The following KISS1 variants were observed in gnomAD, a reference collection of about 807,000 sequenced individuals.
KISS1 encodes metastasis-suppressor KiSS-1.
For synonymous variants in KISS1, 97 were observed against 88.7 expected (o/e 1.09, Z -0.52); for missense variants, 182 against 182.7 (o/e 1.00, Z 0.02).
At chr1:204,191,593 A>C (rs1658744409) in intron 2 of KISS1, among the ~76,000 whole-genome samples, 1 of 152,174 alleles carries the variant, frequency 6.6e-6, no homozygotes, top group Non-Finnish European at 1.5e-5. Context: ...CATTGCGGCA[A>C]GAGATTAGTG....
At chr1:204,191,018 T>C (rs967393150) in intron 2 of KISS1, among the ~76,000 whole-genome samples, 6 of 152,162 alleles carry the variant, frequency 3.9e-5, no homozygotes, top group African/African-American at 1.4e-4. Context: ...GCCAGAATTA[T>C]CTTAAATAAC....
Position 204,190,564 on chromosome 1 carries a change from T to C in KISS1, c.337A>G (p.Asn113Asp), listed in dbSNP as rs1240875972. The C allele has an allele frequency of 1.2e-6, 2 of 1,607,638 alleles. No homozygotes were observed. Among genetic ancestry groups the C allele is most frequent in the African/African-American group, 2.7e-5 (2 of 74,710 alleles). The change falls in exon 3 of 3, where the codon AAC becomes GAC. Residue 113 changes from asparagine to aspartate, a missense_variant. Transcript: ENST00000367194. ...AAGCGCAGGCCGAAGGAGTTCCAGT[T>C]GTAGTTCGGCAGGTCCTTCTCCCGC... is the stretch of plus-strand genomic sequence containing the variant. Reference protein sequence around the residue: ...VQREKDLPNYNWNSFGLRFGK... With the variant: ...VQREKDLPNYDWNSFGLRFGK...
In KISS1 at chr1:204,190,412, C is replaced by CCCCCA; in HGVS notation, c.*71_*72insTGGGG. 8 of 588,682 alleles carry CCCCCA rather than the reference C, an allele frequency of 1.4e-5. No individual in the cohort carries two copies. The highest frequency in any genetic ancestry group is 5.0e-5 in the Admixed American group (2 of 39,858). The allele number at this position is 588,682 out of a possible 1,614,324, so 36.5% of individuals were successfully genotyped here. A position where few individuals can be genotyped will look rare whatever the true frequency, so the allele number is the denominator to read the frequency against. On this transcript the variant is annotated 3_prime_UTR_variant, in exon 3 of 3. Coordinates refer to ENST00000367194, the MANE Select transcript of KISS1 (RefSeq NM_002256.4). ...CGCCCCCTCCCTTAGCCCTACGTCC[C>CCCCCA]CGCCCCCCGCCCCCGCCCCGCATGC...
chr1:204,190,413 C>CCCCA lies in KISS1; in HGVS notation c.*70_*71insTGGG. 14 of 618,858 alleles carry CCCCA rather than the reference C, an allele frequency of 2.3e-5. No homozygotes were observed. Among genetic ancestry groups the CCCCA allele is most frequent in the South Asian group, 4.7e-5 (3 of 63,314 alleles). The allele number at this position is 618,858 out of a possible 1,614,324, so 38.3% of individuals were successfully genotyped here. ...GCCCCCTCCCTTAGCCCTACGTCCCCGCCCCCCGCCCCCGCCCCGCATGCT... is the reference window on the plus strand; with the variant it reads ...GCCCCCTCCCTTAGCCCTACGTCCCCCCCAGCCCCCCGCCCCCGCCCCGCATGCT... On this transcript the variant is annotated 3_prime_UTR_variant, in exon 3 of 3. Coordinates refer to ENST00000367194, the MANE Select transcript of KISS1 (RefSeq NM_002256.4).
At chr1:204,195,313 T>TCATACACACACACCACACACACCAC in intron 1 of KISS1, among the ~76,000 whole-genome samples, 1 of 3,750 alleles carries the variant, frequency 2.7e-4, no homozygotes, top group African/African-American at 1.2e-3. Context: ...TACACACACA[T>TCATACACACACACCACACACACCAC]ACACATATGC....
chr1:204,194,496 ACTAGGTGCTGGTGCTGTG>A (rs1167535926), intron 1 of KISS1, among the ~76,000 whole-genome samples: 1 of 152,210 alleles, frequency 6.6e-6, no homozygotes, highest in East Asian at 1.9e-4. Flanking sequence ...TTGAGCACCG[ACTAGGTGCTGGTGCTGTG>A]CTAGGTGCTA....
Position 204,190,430 on chromosome 1 carries a change from C to CCG in KISS1, c.*52_*53dup. On this transcript the variant is annotated 3_prime_UTR_variant, in exon 3 of 3. Coordinates refer to ENST00000367194, the MANE Select transcript of KISS1 (RefSeq NM_002256.4). ...TACGTCCCCGCCCCCCGCCCCCGCCCCGCATGCTCTGACTCCTTTGGGGTC... is the reference window on the plus strand; with the variant it reads ...TACGTCCCCGCCCCCCGCCCCCGCCCCGCGCATGCTCTGACTCCTTTGGGGTC... 1.9e-6 allele frequency: 2 copies of CCG among 1,079,960 alleles called. No homozygotes were observed. The highest frequency in any genetic ancestry group is 2.7e-6 in the Non-Finnish European group (2 of 735,304). 66.9% of individuals were successfully genotyped at this position (1,079,960 alleles called of 1,614,324 possible).
Position 204,192,845 on chromosome 1 carries a change from A to G in KISS1, c.32T>C (p.Leu11Pro). Residue 11 changes from leucine to proline, a missense_variant, in exon 2 of 3, where the codon CTT becomes CCT. Coordinates refer to ENST00000367194, the MANE Select transcript of KISS1 (RefSeq NM_002256.4). The surrounding 1 kb of genome is among the most constrained non-coding windows in gnomAD (Gnocchi z 4.2). Reference protein sequence around the residue: MNSLVSWQLLLFLCATHFGEP... With the variant: MNSLVSWQLLPFLCATHFGEP... ...CCCAAAGTGGGTGGCACAGAGGAAA[A>G]GCAGTAGCTGCCAAGAAACCAGTGA... The G allele has an allele frequency of 6.3e-7, 1 of 1,596,574 alleles. No individual in the cohort carries two copies. The highest frequency in any genetic ancestry group is 1.3e-5 in the African/African-American group (1 of 74,972).
Position 204,192,209 on chromosome 1 carries a change from C to A in KISS1, c.103+565G>T, listed in dbSNP as rs888075156. Among the ~76,000 whole-genome samples, 6 of 152,068 alleles carry A rather than the reference C, an allele frequency of 3.9e-5. No individual in the cohort carries two copies. Among genetic ancestry groups the A allele is most frequent in the Non-Finnish European group, 7.4e-5 (5 of 68,000 alleles). On this transcript the variant is annotated intron_variant, in intron 2 of 2. Coordinates refer to ENST00000367194, the MANE Select transcript of KISS1 (RefSeq NM_002256.4). The surrounding 1 kb of genome is among the most constrained non-coding windows in gnomAD (Gnocchi z 4.2). ...GTATTGTTCTAGCTTGTGCCACTCA[C>A]CAGACACACTCCTGGGGAGCTCTGA...
At chr1:204,191,743 C>A (rs1057430637) in intron 2 of KISS1, among the ~76,000 whole-genome samples, 4 of 152,220 alleles carry the variant, frequency 2.6e-5, no homozygotes, top group African/African-American at 9.6e-5. Context: ...CAGTCGCCTG[C>A]GAGGTCCCTC....
At chr1:204,194,391 C>T (rs188328465) in intron 1 of KISS1, among the ~76,000 whole-genome samples, 1 of 152,110 alleles carries the variant, frequency 6.6e-6, no homozygotes, top group Non-Finnish European at 1.5e-5. Context: ...GGCTGGGGCA[C>T]GGAGTAGAGG....
chr1:204,195,263 C>CACGCATACACCCAT (rs1658826317), intron 1 of KISS1, among the ~76,000 whole-genome samples: 12 of 7,914 alleles, frequency 1.5e-3, no homozygotes, highest in East Asian at 4.1e-3. Flanking sequence ...ACACATCATA[C>CACGCATACACCCAT]ACACACACAT....
intron 1 of KISS1, among the ~76,000 whole-genome samples, chr1:204,195,272 AT>A: frequency 8.4e-4 from 1 of 1,190 alleles, no homozygotes; most frequent in Non-Finnish European, 1.9e-3. Context: ...ACACACACAC[AT>A]ACACCACACA....
At position 204,192,820 on chromosome 1, in the gene KISS1, C is replaced by T. The variant is rs934029426; in HGVS notation, c.57G>A (p.Gly19=). Residue 19 remains glycine, a synonymous_variant, in exon 2 of 3, where the codon GGG becomes GGA. Coordinates refer to ENST00000367194, the MANE Select transcript of KISS1 (RefSeq NM_002256.4). The surrounding 1 kb of genome is among the most constrained non-coding windows in gnomAD (Gnocchi z 4.2). ...LLLFLCATHF[G]EPLEKVASVG... ...CAGAGGCCACCTTTTCTAATGGCTCCCCAAAGTGGGTGGCACAGAGGAAAA... is the reference window on the plus strand; with the variant it reads ...CAGAGGCCACCTTTTCTAATGGCTCTCCAAAGTGGGTGGCACAGAGGAAAA... 8 of 1,599,960 alleles carry T rather than the reference C, an allele frequency of 5.0e-6. 1 individual carries two copies. In the South Asian group the frequency reaches 7.9e-5, roughly 16 times the overall value.
chr1:204,195,251 A>AC (rs1658825395), intron 1 of KISS1, among the ~76,000 whole-genome samples: 3 of 150,788 alleles, frequency 2.0e-5, no homozygotes, highest in Non-Finnish European at 3.0e-5. Flanking sequence ...ACACCCATAC[A>AC]CACACATCAT....
chr1:204,191,425 G>C (rs1658742287), intron 2 of KISS1, among the ~76,000 whole-genome samples: 2 of 134,516 alleles, frequency 1.5e-5, no homozygotes, highest in Admixed American at 9.0e-5. Context: ...CACCTTAACT[G>C]GCTCTCTTCC....
chr1:204,190,431 C>CCCCCAGG lies in KISS1; in HGVS notation c.*52_*53insCCTGGGG, dbSNP rs2102327873. 1.8e-6 allele frequency: 2 copies of CCCCCAGG among 1,130,788 alleles called. No homozygotes were observed. Among genetic ancestry groups the CCCCCAGG allele is most frequent in the Non-Finnish European group, 2.6e-6 (2 of 780,978 alleles). The allele number at this position is 1,130,788 out of a possible 1,614,324, so 70.0% of individuals were successfully genotyped here. A position where few individuals can be genotyped will look rare whatever the true frequency, so the allele number is the denominator to read the frequency against. ...ACGTCCCCGCCCCCCGCCCCCGCCC[C>CCCCCAGG]GCATGCTCTGACTCCTTTGGGGTCT... On this transcript the variant is annotated 3_prime_UTR_variant, in exon 3 of 3. Transcript: ENST00000367194.
Position 204,190,430 on chromosome 1 carries a change from C to CCCCCTG in KISS1, c.*53_*54insCAGGGG. 2 of 1,079,962 alleles carry CCCCCTG rather than the reference C, an allele frequency of 1.9e-6. No individual in the cohort carries two copies. Among genetic ancestry groups the CCCCCTG allele is most frequent in the Non-Finnish European group, 2.7e-6 (2 of 735,306 alleles). The allele number at this position is 1,079,962 out of a possible 1,614,324, so 66.9% of individuals were successfully genotyped here. ...TACGTCCCCGCCCCCCGCCCCCGCC[C>CCCCCTG]CGCATGCTCTGACTCCTTTGGGGTC... On this transcript the variant is annotated 3_prime_UTR_variant, in exon 3 of 3. Transcript: ENST00000367194.
chr1:204,190,407 C>CGGGGGGGGGGGGGGG lies in KISS1; in HGVS notation c.*76_*77insCCCCCCCCCCCCCCC. 3 of 779,258 alleles carry CGGGGGGGGGGGGGGG rather than the reference C, an allele frequency of 3.8e-6. No homozygotes were observed. Among genetic ancestry groups the CGGGGGGGGGGGGGGG allele is most frequent in the Non-Finnish European group, 6.1e-6 (3 of 493,570 alleles). The allele number at this position is 779,258 out of a possible 1,614,324, so 48.3% of individuals were successfully genotyped here. On this transcript the variant is annotated 3_prime_UTR_variant, in exon 3 of 3. Coordinates refer to ENST00000367194, the MANE Select transcript of KISS1 (RefSeq NM_002256.4). ...TCCAGCGCCCCCTCCCTTAGCCCTA[C>CGGGGGGGGGGGGGGG]GTCCCCGCCCCCCGCCCCCGCCCCG...
Sources: allele counts gnomAD v4.1 joint callset (sites outside exome capture counted in the v4.1 genomes callset), GRCh38; gene constraint gnomAD v4.1.1; non-coding constraint Gnocchi (gnomAD v3.1); transcripts MANE v1.5; gene names NCBI Gene and HGNC (gene_info 2026-07-23, HGNC 2026-07-21).